Variants in TTLL9 observed in about 807,000 individuals in gnomAD.
TTLL9 encodes the protein probable tubulin polyglutamylase TTLL9.
A neutral mutation model predicts 65.6 loss-of-function variants in TTLL9; 47 were observed. That is an observed-to-expected ratio of 0.72 (90% CI 0.57 to 0.91). The LOEUF (loss-of-function observed/expected upper bound fraction) is 0.91, where lower values mean the gene tolerates loss of function less well. Ranked by LOEUF, TTLL9 falls within the 40% of genes least tolerant of loss-of-function variation. TTLL9 has a pLI of 0.00. For synonymous variants in TTLL9, 179 were observed against 204.8 expected, an observed-to-expected ratio of 0.87 and a Z score of 1.07; for missense variants, 537 against 568.8, an observed-to-expected ratio of 0.94 and a Z score of 0.57.
At chr20:31,888,447 T>A (rs894919668) in intron 3 of TTLL9, among the ~76,000 whole-genome samples, 1 of 152,200 alleles carries the variant, frequency 6.6e-6, no homozygotes, top group African/African-American at 2.4e-5. Context: ...TTTGCATTGC[T>A]ATAAAGGAAT....
intron 3 of TTLL9, among the ~76,000 whole-genome samples, chr20:31,890,451 C>T (rs145636836): frequency 6.6e-6 from 1 of 152,114 alleles, no homozygotes; most frequent in East Asian, 1.9e-4. Context: ...TAACTGCTAC[C>T]TCTGTTTCAT....
chr20:31,913,000 A>T (rs1392168043), intron 6 of TTLL9, among the ~76,000 whole-genome samples: 5 of 152,062 alleles, frequency 3.3e-5, no homozygotes, highest in African/African-American at 1.2e-4. Flanking sequence ...TCTACAAAAA[A>T]TACAAAAATA....
At chr20:31,938,227 C>T in intron 13 of TTLL9, 1 of 457,056 alleles carries the variant, frequency 2.2e-6, no homozygotes, top group South Asian at 1.5e-5. Flanking sequence ...GACACATTCC[C>T]ATTCCTAAAC....
At chr20:31,932,881 C>T (rs1003180321) in intron 10 of TTLL9, among the ~76,000 whole-genome samples, 2 of 151,866 alleles carry the variant, frequency 1.3e-5, no homozygotes, top group Non-Finnish European at 2.9e-5. Context: ...CTGTAATCCC[C>T]GCTACTTAGG....
At chr20:31,926,135 T>C (rs1200439648) in intron 10 of TTLL9, 44 bp downstream of exon 10, 1 of 1,389,248 alleles carries the variant, frequency 7.2e-7, no homozygotes, top group Non-Finnish European at 1.0e-6. Flanking sequence ...GCTTCCAGTT[T>C]TGTGGGGGTG....
In TTLL9 at chr20:31,937,512, G is replaced by A; in HGVS notation, c.1118+3G>A. On this transcript the variant is annotated splice_donor_region_variant and intron_variant, in intron 13 of 14. Transcript: ENST00000535842. ...CATGTTGTGGACATGGAAGCGAGGT[G>A]AGGGAGGGCAGCCTTGATCACATGT... 1 of 1,610,752 alleles carries A rather than the reference G, an allele frequency of 6.2e-7. No individual in the cohort carries two copies. The highest frequency in any genetic ancestry group is 1.7e-5 in the Admixed American group (1 of 59,902).
chr20:31,871,887 A>G (rs1017914286), intron 2 of TTLL9, among the ~76,000 whole-genome samples: 6 of 152,224 alleles, frequency 3.9e-5, no homozygotes, highest in Non-Finnish European at 8.8e-5. Context: ...ATTGTTGATA[A>G]TATTTTTATT....
chr20:31,932,004 CAT>C (rs2123613548), intron 10 of TTLL9, among the ~76,000 whole-genome samples: 1 of 152,266 alleles, frequency 6.6e-6, no homozygotes, highest in East Asian at 1.9e-4. Context: ...CTATGAATTT[CAT>C]AGTTTTGCCT....
At chr20:31,901,523 T>G (rs1423515768) in intron 4 of TTLL9, 1 of 152,242 alleles carries the variant, frequency 6.6e-6, no homozygotes, top group Non-Finnish European at 1.5e-5. Context: ...AATGAACTTT[T>G]GGTATCAGAA....
At chr20:31,897,404 G>A (rs1165233253) in intron 3 of TTLL9, among the ~76,000 whole-genome samples, 2 of 152,166 alleles carry the variant, frequency 1.3e-5, no homozygotes, top group African/African-American at 2.4e-5. Context: ...GGGTAGTTGA[G>A]TCTTTCCTTT....
chr20:31,887,846 A>ATCTCC lies in TTLL9; in HGVS notation c.113+616_113+620dup, dbSNP rs1282646817. ...TAGTTTATTCTTTGGTTCATTAGATATCTCCTCTCCTCTTCTCTTCTCTTC... is the reference window on the plus strand; with the variant it reads ...TAGTTTATTCTTTGGTTCATTAGATATCTCCTCTCCTCTCCTCTTCTCTTCTCTTC... On this transcript the variant is annotated intron_variant, in intron 3 of 14. Transcript: ENST00000535842. 1.2e-3 allele frequency among the ~76,000 whole-genome samples: 61 copies of ATCTCC among 49,624 alleles called. 1 individual carries two copies. Among genetic ancestry groups the ATCTCC allele is most frequent in the Middle Eastern group, 0.015 (1 of 68 alleles). The allele number at this position is 49,624 out of a possible 152,430, so 32.6% of individuals were successfully genotyped here.
intron 3 of TTLL9, among the ~76,000 whole-genome samples, chr20:31,887,988 G>T (rs1049887509): frequency 1.3e-5 from 2 of 151,718 alleles, no homozygotes; most frequent in African/African-American, 4.8e-5. Context: ...GGGTTCAAGT[G>T]ATTCTCCTGC....
intron 2 of TTLL9, among the ~76,000 whole-genome samples, chr20:31,874,481 G>A (rs368426625): frequency 3.3e-4 from 48 of 146,916 alleles, no homozygotes; most frequent in African/African-American, 1.2e-3. Flanking sequence ...GTGCAATCTC[G>A]GCTCAGTGCA....
rs1448782747 is a variant in TTLL9 at position 31,943,130 on chromosome 20, C to G, written c.*109C>G. On this transcript the variant is annotated 3_prime_UTR_variant, in exon 15 of 15. Coordinates refer to ENST00000535842, the MANE Select transcript of TTLL9 (RefSeq NM_001008409.5). ...CAGCATTCGCCTCCCCACCTCCAGCCTGGCACCAGCTTTGCTGGCTTAGCA... is the reference window on the plus strand; with the variant it reads ...CAGCATTCGCCTCCCCACCTCCAGCGTGGCACCAGCTTTGCTGGCTTAGCA... 2 of 1,042,986 alleles carry G rather than the reference C, an allele frequency of 1.9e-6. No individual in the cohort carries two copies. The highest frequency in any genetic ancestry group is 2.9e-6 in the Non-Finnish European group (2 of 679,388). The allele number at this position is 1,042,986 out of a possible 1,614,324, so 64.6% of individuals were successfully genotyped here.
intron 2 of TTLL9, among the ~76,000 whole-genome samples, chr20:31,881,841 G>C (rs2063122301): frequency 6.6e-6 from 1 of 152,178 alleles, no homozygotes; most frequent in Non-Finnish European, 1.5e-5. Context: ...ACTGCAGGTT[G>C]CTGAAGAATG....
In TTLL9 at chr20:31,934,832, C is replaced by G; in HGVS notation, c.948C>G (p.Asp316Glu). 8.1e-6 allele frequency: 13 copies of G among 1,614,066 alleles called. No individual in the cohort carries two copies. The highest frequency in any genetic ancestry group is 1.3e-5 in the African/African-American group (1 of 75,044). The change falls in exon 12 of 15, where the codon GAC (aspartate) becomes GAG (glutamate). Residue 316 changes from aspartate (D) to glutamate (E), a missense_variant. Transcript: ENST00000535842. ...GTGTGCAGAAGGTGATCATCAGTGA[C>G]AAGCACTGCTTCGAGCTGTACGGCT... The part of the protein sequence containing the change: ...LQSVQKVIIS[D>E]KHCFELYGYD...
intron 6 of TTLL9, among the ~76,000 whole-genome samples, chr20:31,918,282 CCGAGATGA>C (rs1365100934): frequency 6.6e-6 from 1 of 152,086 alleles, no homozygotes; most frequent in Non-Finnish European, 1.5e-5. Flanking sequence ...CAGTGTTTGT[CCGAGATGA>C]CGAGATGACG....
intron 13 of TTLL9, chr20:31,938,322 T>TGAGG: frequency 2.5e-6 from 1 of 399,544 alleles, no homozygotes; most frequent in Non-Finnish European, 5.1e-6. Flanking sequence ...AGCCATGGGG[T>TGAGG]GAGGGAGGGA....
In TTLL9 at chr20:31,934,669, C is replaced by T. The variant is rs763167568; in HGVS notation, c.808-23C>T. ...TCCTGACTAACTGAGGCTCCTCTCT[C>T]GACCCGGCTGCCCGGGGCCCAGGGC... On this transcript the variant is annotated intron_variant, in intron 11 of 14. Transcript: ENST00000535842. 2.2e-5 allele frequency: 35 copies of T among 1,593,410 alleles called. No homozygotes were observed. In the East Asian group the frequency reaches 7.0e-4, roughly 32 times the overall value.
Sources: allele counts gnomAD v4.1 joint callset (sites outside exome capture counted in the v4.1 genomes callset), GRCh38; gene constraint gnomAD v4.1.1; transcripts MANE v1.5; gene names NCBI Gene and HGNC (gene_info 2026-07-23, HGNC 2026-07-21).